Variants in GAREM1 observed in about 807,000 individuals in gnomAD.
The protein encoded by GAREM1 is GRB2-associated and regulator of MAPK protein 1.
A neutral mutation model predicts 71.3 loss-of-function variants in GAREM1; 26 were observed. The ratio of observed to expected loss-of-function variants is 0.36; its 90% CI spans 0.27 to 0.51. GAREM1 has a LOEUF of 0.51. Ranked by LOEUF, GAREM1 falls within the 20% of genes least tolerant of loss-of-function variation. GAREM1 has a pLI of 0.95. For synonymous variants in GAREM1, 440 were observed against 433.2 expected, an observed-to-expected ratio of 1.02 and a Z score of -0.20; for missense variants, 1,026 against 1,103.1, an observed-to-expected ratio of 0.93 and a Z score of 0.99.
chr18:32,381,984 G>A (rs1159846959), intron 2 of GAREM1, among the ~76,000 whole-genome samples: 3 of 152,134 alleles, frequency 2.0e-5, no homozygotes, highest in Non-Finnish European at 4.4e-5. Flanking sequence ...ACCTGTTAGA[G>A]CACTCACAAT....
chr18:32,299,216 A>T (rs1472937286), intron 3 of GAREM1, among the ~76,000 whole-genome samples: 1 of 152,196 alleles, frequency 6.6e-6, no homozygotes, highest in African/African-American at 2.4e-5. Flanking sequence ...ACTGGAAAAT[A>T]AAAAGTGATT....
At chr18:32,440,085 T>C (rs2048719676) in intron 1 of GAREM1, among the ~76,000 whole-genome samples, 2 of 152,206 alleles carry the variant, frequency 1.3e-5, no homozygotes, top group African/African-American at 4.8e-5. Flanking sequence ...CCCTAATTCC[T>C]GATGATTTCA....
intron 1 of GAREM1, among the ~76,000 whole-genome samples, chr18:32,446,750 GATT>G (rs1285974992): frequency 6.6e-6 from 1 of 152,166 alleles, no homozygotes; most frequent in Non-Finnish European, 1.5e-5. Flanking sequence ...TTCCTGAGCT[GATT>G]ATTATTGCTT....
intron 2 of GAREM1, among the ~76,000 whole-genome samples, chr18:32,317,887 A>G (rs1051293635): frequency 1.3e-5 from 2 of 152,044 alleles, no homozygotes; most frequent in Admixed American, 6.5e-5. Context: ...ATCAATTTAC[A>G]TGACACATAT....
chr18:32,321,105 A>T (rs1598959256), intron 2 of GAREM1, among the ~76,000 whole-genome samples: 1 of 152,148 alleles, frequency 6.6e-6, no homozygotes, highest in East Asian at 1.9e-4. Flanking sequence ...AATACAACCT[A>T]AAACAAATCC....
chr18:32,398,706 A>G (rs1209395705), intron 1 of GAREM1, among the ~76,000 whole-genome samples: 1 of 152,184 alleles, frequency 6.6e-6, no homozygotes, highest in African/African-American at 2.4e-5. Context: ...GTCCAGGACC[A>G]GATGGATTCA....
At chr18:32,327,265 C>A (rs111689309) in intron 2 of GAREM1, among the ~76,000 whole-genome samples, 2,111 of 152,284 alleles carry the variant, frequency 0.014, 59 homozygotes, top group African/African-American at 0.048. Flanking sequence ...AGAACCTATA[C>A]AGATGCTGAA....
chr18:32,430,575 G>A (rs1374051346), intron 1 of GAREM1, among the ~76,000 whole-genome samples: 1 of 152,214 alleles, frequency 6.6e-6, no homozygotes, highest in Admixed American at 6.5e-5. Context: ...TCCACGGAAT[G>A]CAGTTATAAA....
chr18:32,370,217 G>A (rs1386022975), intron 2 of GAREM1, among the ~76,000 whole-genome samples: 1 of 152,026 alleles, frequency 6.6e-6, no homozygotes, highest in Non-Finnish European at 1.5e-5. Flanking sequence ...CGGAACACAA[G>A]GTCAGATCGA....
intron 2 of GAREM1, among the ~76,000 whole-genome samples, chr18:32,388,646 C>T (rs1378499593): frequency 8.5e-5 from 13 of 152,152 alleles, no homozygotes; most frequent in South Asian, 2.1e-4. Flanking sequence ...CATCAAATCA[C>T]GAGGACACGG....
At chr18:32,359,821 G>A (rs2047846608) in intron 2 of GAREM1, among the ~76,000 whole-genome samples, 1 of 152,086 alleles carries the variant, frequency 6.6e-6, no homozygotes, top group South Asian at 2.1e-4. Flanking sequence ...AGTTACATGG[G>A]AGGCTGAGGA....
intron 2 of GAREM1, among the ~76,000 whole-genome samples, chr18:32,378,055 T>TGTGTGC (rs1338160985): frequency 2.4e-4 from 30 of 127,112 alleles, no homozygotes; most frequent in Non-Finnish European, 4.2e-4. Context: ...TGTGTGTGTG[T>TGTGTGC]GTGCGCGCGG....
chr18:32,301,827 C>A (rs2047204755), intron 3 of GAREM1, among the ~76,000 whole-genome samples: 1 of 152,110 alleles, frequency 6.6e-6, no homozygotes, highest in Non-Finnish European at 1.5e-5. Context: ...TTTCAGAGAA[C>A]TTTTGTTCAT....
At chr18:32,270,911 T>TTTC (rs1235370460) in intron 4 of GAREM1, among the ~76,000 whole-genome samples, 1 of 144,074 alleles carries the variant, frequency 6.9e-6, no homozygotes, top group Non-Finnish European at 1.5e-5. Context: ...TTTTTTTTTT[T>TTTC]TTTTTTTTGA....
intron 4 of GAREM1, among the ~76,000 whole-genome samples, chr18:32,278,300 A>T (rs994598538): frequency 6.6e-6 from 1 of 152,158 alleles, no homozygotes; most frequent in Non-Finnish European, 1.5e-5. Flanking sequence ...ACCTTCTAGA[A>T]TCAACTGTCA....
intron 1 of GAREM1, among the ~76,000 whole-genome samples, chr18:32,458,082 C>T (rs1408927676): frequency 2.0e-5 from 3 of 152,120 alleles, no homozygotes; most frequent in Non-Finnish European, 4.4e-5. Flanking sequence ...CTTCAACAGA[C>T]TCTGAAGTTG....
At chr18:32,463,214 G>A (rs1032243965) in intron 1 of GAREM1, among the ~76,000 whole-genome samples, 2 of 151,896 alleles carry the variant, frequency 1.3e-5, no homozygotes, top group African/African-American at 4.8e-5. Flanking sequence ...TAATGATTGT[G>A]TCAATTAAAA....
chr18:32,457,711 TAG>T (rs2048910364), intron 1 of GAREM1, among the ~76,000 whole-genome samples: 2 of 152,158 alleles, frequency 1.3e-5, no homozygotes, highest in African/African-American at 4.8e-5. Flanking sequence ...CAACTATTTA[TAG>T]AGTCCTCAGG....
intron 4 of GAREM1, among the ~76,000 whole-genome samples, chr18:32,273,894 TTGAAAC>T (rs2041501670): frequency 6.6e-6 from 1 of 152,226 alleles, no homozygotes; most frequent in African/African-American, 2.4e-5. Flanking sequence ...TTAGGTTTAC[TTGAAAC>T]TCACTTTAGA....
Sources: allele counts gnomAD v4.1 joint callset (sites outside exome capture counted in the v4.1 genomes callset), GRCh38; gene constraint gnomAD v4.1.1; transcripts MANE v1.5; gene names NCBI Gene and HGNC (gene_info 2026-07-23, HGNC 2026-07-21).